The following PGBD5 variants were observed in gnomAD, a reference collection of about 807,000 sequenced individuals.
PGBD5 encodes the protein piggyBac transposable element derived 5, also known as piggyBac transposable element-derived protein 5.
A neutral mutation model predicts 47.9 loss-of-function variants in PGBD5; 14 were observed. The ratio of observed to expected loss-of-function variants is 0.29; its 90% CI spans 0.19 to 0.46. The LOEUF (loss-of-function observed/expected upper bound fraction) is 0.46, where lower values mean the gene tolerates loss of function less well. PGBD5 is among the 20% of genes least tolerant of loss of function. The pLI, the probability that PGBD5 is intolerant of heterozygous loss-of-function variation, is 1.00. For missense variants in PGBD5, 635 were observed against 716.0 expected, an observed-to-expected ratio of 0.89 and a Z score of 1.29; for synonymous variants, 316 against 306.3, an observed-to-expected ratio of 1.03 and a Z score of -0.33.
At chr1:230,350,251 G>C (rs1274003826) in intron 3 of PGBD5, among the ~76,000 whole-genome samples, 2 of 152,222 alleles carry the variant, frequency 1.3e-5, no homozygotes, top group African/African-American at 2.4e-5. Context: ...TCACTTAGGA[G>C]CCACATTCTG....
At chr1:230,416,031 A>T (rs1657506508) in intron 1 of PGBD5, among the ~76,000 whole-genome samples, 1 of 152,240 alleles carries the variant, frequency 6.6e-6, no homozygotes, top group African/African-American at 2.4e-5. Context: ...ATCTGCATAT[A>T]GTAAGTGATA....
chr1:230,380,154 A>C (rs969611394), intron 1 of PGBD5, among the ~76,000 whole-genome samples: 1 of 152,202 alleles, frequency 6.6e-6, no homozygotes, highest in Non-Finnish European at 1.5e-5. Flanking sequence ...GGCAGATAGG[A>C]GGCCAGCTCC....
rs1461635456 is a variant in PGBD5 at position 230,357,961 on chromosome 1, CACAT to C, written c.332-644_332-641del. On this transcript the variant is annotated intron_variant, in intron 1 of 6. Transcript: ENST00000391860. The surrounding 1 kb of genome is among the most constrained non-coding windows in gnomAD (Gnocchi z 5.7). The stretch of plus-strand genomic sequence containing the variant: ...ACATATATATACACATGCATATATA[CACAT>C]ACATACACACACATACATACATACA... 6.6e-6 allele frequency among the ~76,000 whole-genome samples: 1 copy of C among 151,728 alleles called. No individual in the cohort carries two copies. Among genetic ancestry groups the C allele is most frequent in the Non-Finnish European group, 1.5e-5 (1 of 68,010 alleles).
chr1:230,333,292 T>C (rs1370348027), intron 4 of PGBD5, among the ~76,000 whole-genome samples: 1 of 152,160 alleles, frequency 6.6e-6, no homozygotes, highest in African/African-American at 2.4e-5. Flanking sequence ...TAAGACTGCA[T>C]GTAGGGCTAC....
intron 1 of PGBD5, among the ~76,000 whole-genome samples, chr1:230,369,150 A>G (rs1667889127): frequency 6.6e-6 from 1 of 152,226 alleles, no homozygotes; most frequent in South Asian, 2.1e-4. Context: ...TCCAACCCAA[A>G]TGAAAATGTA....
chr1:230,327,160 G>A (rs1667133847), intron 5 of PGBD5, among the ~76,000 whole-genome samples: 1 of 151,702 alleles, frequency 6.6e-6, no homozygotes, highest in Non-Finnish European at 1.5e-5. Context: ...CTGTTTCCTT[G>A]AACTGGCCTT....
At position 230,389,380 on chromosome 1, in the gene PGBD5, C is replaced by G. The variant is rs12040510; in HGVS notation, c.332-32059G>C. ...TAGAGACGGGGTTTCACCATGTTGG[C>G]CAGTCTGGTCTCGGACTCCTGACCT... On this transcript the variant is annotated intron_variant, in intron 1 of 6. Transcript: ENST00000391860. 1.0e-3 allele frequency among the ~76,000 whole-genome samples: 157 copies of G among 152,054 alleles called. 2 individuals are homozygous for G. The highest frequency in any genetic ancestry group is 3.6e-3 in the African/African-American group (149 of 41,506).
At chr1:230,349,149 A>T (rs1667523390) in intron 3 of PGBD5, among the ~76,000 whole-genome samples, 1 of 152,222 alleles carries the variant, frequency 6.6e-6, no homozygotes, top group African/African-American at 2.4e-5. Context: ...CTGGTGACAG[A>T]TGTGATTTCT....
intron 1 of PGBD5, among the ~76,000 whole-genome samples, chr1:230,377,933 T>C (rs1668041999): frequency 6.6e-6 from 1 of 152,220 alleles, no homozygotes; most frequent in Admixed American, 6.5e-5. Context: ...GGCTTGAATT[T>C]GAGTCTGAGG....
At position 230,333,049 on chromosome 1, in the gene PGBD5, G is replaced by A. The variant is rs1667247791; in HGVS notation, c.1076-8C>T. On this transcript the variant is annotated splice_polypyrimidine_tract_variant and splice_region_variant and intron_variant, in intron 4 of 6. Coordinates refer to ENST00000391860, the MANE Select transcript of PGBD5 (RefSeq NM_001258311.2). ...AGCCGCAGCAGTAAATCCCTGAGGG[G>A]AGAGGGAGGAAGGATCGCACACTCA... is the stretch of plus-strand genomic sequence containing the variant. The A allele has an allele frequency of 1.3e-6, 2 of 1,583,448 alleles. No homozygotes were observed. The highest frequency in any genetic ancestry group is 1.3e-5 in the African/African-American group (1 of 74,596).
chr1:230,328,177 G>A (rs1667154045), intron 5 of PGBD5, among the ~76,000 whole-genome samples: 1 of 152,164 alleles, frequency 6.6e-6, no homozygotes, highest in Non-Finnish European at 1.5e-5. Context: ...CCTGATTTCA[G>A]CCCAATAAGA....
chr1:230,420,548 T>C (rs1225678717), intron 1 of PGBD5, among the ~76,000 whole-genome samples: 1 of 152,180 alleles, frequency 6.6e-6, no homozygotes, highest in African/African-American at 2.4e-5. Context: ...GTTCCCCCCA[T>C]GCTGTTCTCG....
intron 1 of PGBD5, among the ~76,000 whole-genome samples, chr1:230,389,487 A>G (rs948665782): frequency 2.0e-5 from 3 of 152,164 alleles, no homozygotes; most frequent in Non-Finnish European, 4.4e-5. Flanking sequence ...TTTTTCTTAT[A>G]AACATCAATG....
At position 230,316,672 on chromosome 1, in the gene PGBD5, G is replaced by C. The variant is rs1246422323; in HGVS notation, c.*6753C>G. On this transcript the variant is annotated 3_prime_UTR_variant, in exon 7 of 7. Coordinates refer to ENST00000391860, the MANE Select transcript of PGBD5 (RefSeq NM_001258311.2). ...CTTAGTGGAGAAAGGTGGGACATGA[G>C]AATTGGGCTGGGAACAAGGAACCCT... 1 of 152,154 alleles carries C rather than the reference G, an allele frequency of 6.6e-6. No homozygotes were observed. The highest frequency in any genetic ancestry group is 1.5e-5 in the Non-Finnish European group (1 of 68,042). The allele number at this position is 152,154 out of a possible 1,614,324, so 9.4% of individuals were successfully genotyped here.
intron 1 of PGBD5, among the ~76,000 whole-genome samples, chr1:230,359,810 TCTAA>T (rs1667715127): frequency 6.6e-6 from 1 of 152,204 alleles, no homozygotes; most frequent in Non-Finnish European, 1.5e-5. Context: ...CAAGGAAGAC[TCTAA>T]CTATCTGCAT....
intron 1 of PGBD5, among the ~76,000 whole-genome samples, chr1:230,419,875 C>T (rs887538245): frequency 1.3e-5 from 2 of 152,174 alleles, no homozygotes; most frequent in Non-Finnish European, 2.9e-5. Flanking sequence ...CCTGTAATCT[C>T]GGCACTTTGG....
chr1:230,370,497 C>T (rs555100664), intron 1 of PGBD5, among the ~76,000 whole-genome samples: 1 of 152,330 alleles, frequency 6.6e-6, no homozygotes, highest in South Asian at 2.1e-4. Flanking sequence ...TATGTGCAGG[C>T]TTGTGTTCTG....
rs1480695878 is a variant in PGBD5 at position 230,317,909 on chromosome 1, G to A, written c.*5516C>T. 2 of 152,212 alleles carry A rather than the reference G, an allele frequency of 1.3e-5. No individual in the cohort carries two copies. Among genetic ancestry groups the A allele is most frequent in the Non-Finnish European group, 2.9e-5 (2 of 68,052 alleles). 9.4% of individuals were successfully genotyped at this position (152,212 alleles called of 1,614,324 possible). The stretch of plus-strand genomic sequence containing the variant: ...GCGCACAATCAAGTCTCCCGCAGGA[G>A]TCTCCTCATTACGACCGTGTATACA... On this transcript the variant is annotated 3_prime_UTR_variant, in exon 7 of 7. Coordinates refer to ENST00000391860, the MANE Select transcript of PGBD5 (RefSeq NM_001258311.2).
At chr1:230,412,444 A>G (rs1489276618) in intron 1 of PGBD5, among the ~76,000 whole-genome samples, 1 of 145,356 alleles carries the variant, frequency 6.9e-6, no homozygotes, top group Non-Finnish European at 1.5e-5. Flanking sequence ...GCTGGAGTGC[A>G]ATGGCGTGAT....
Sources: allele counts gnomAD v4.1 joint callset (sites outside exome capture counted in the v4.1 genomes callset), GRCh38; gene constraint gnomAD v4.1.1; non-coding constraint Gnocchi (gnomAD v3.1); transcripts MANE v1.5; gene names NCBI Gene and HGNC (gene_info 2026-07-23, HGNC 2026-07-21).